Variants in NDST4 observed in about 807,000 individuals in gnomAD.
The protein encoded by NDST4 is N-deacetylase and N-sulfotransferase 4.
NDST4 carries 63 observed loss-of-function variants against 100.8 expected under a neutral mutation model. That is an observed-to-expected ratio of 0.62 (90% CI 0.51 to 0.77). The LOEUF (loss-of-function observed/expected upper bound fraction) is 0.77, where lower values mean the gene tolerates loss of function less well. Ranked by LOEUF, NDST4 falls within the 30% of genes least tolerant of loss-of-function variation. The pLI, the probability that NDST4 is intolerant of heterozygous loss-of-function variation, is 0.00. For synonymous variants in NDST4, 377 were observed against 361.8 expected (o/e 1.04, Z -0.48); for missense variants, 943 against 1,018.4 (o/e 0.93, Z 1.01).
chr4:115,032,889 T>C (rs1052295974), intron 2 of NDST4, among the ~76,000 whole-genome samples: 6 of 151,938 alleles, frequency 3.9e-5, no homozygotes, highest in Non-Finnish European at 7.4e-5. Flanking sequence ...CATAACTTGT[T>C]CCTCTATAAA....
At chr4:115,094,862 C>T (rs902411756) in intron 1 of NDST4, among the ~76,000 whole-genome samples, 52 of 103,222 alleles carry the variant, frequency 5.0e-4, no homozygotes, top group African/African-American at 2.2e-3. Context: ...GAGCATGGCC[C>T]TGTTGTCACT....
At chr4:114,984,725 A>G (rs1320612635) in intron 2 of NDST4, among the ~76,000 whole-genome samples, 1 of 152,040 alleles carries the variant, frequency 6.6e-6, no homozygotes, top group Non-Finnish European at 1.5e-5. Flanking sequence ...CTGCCTTAAA[A>G]CTCAGTCTAA....
intron 5 of NDST4, among the ~76,000 whole-genome samples, chr4:114,936,299 C>T (rs1299336821): frequency 6.6e-6 from 1 of 152,144 alleles, no homozygotes; most frequent in Non-Finnish European, 1.5e-5. Flanking sequence ...TCTCTTAAAT[C>T]TGAGGCTTCT....
chr4:114,934,944 G>A (rs372552103), intron 6 of NDST4: 3 of 181,426 alleles, frequency 1.7e-5, no homozygotes, highest in East Asian at 2.7e-4. Context: ...GGAAAACATT[G>A]CTACTTCTTT....
intron 2 of NDST4, among the ~76,000 whole-genome samples, chr4:115,002,104 T>C (rs1560853199): frequency 6.6e-6 from 1 of 152,208 alleles, no homozygotes; most frequent in African/African-American, 2.4e-5. Flanking sequence ...TTGAACTAAT[T>C]TACACTGCCA....
chr4:115,029,135 C>A (rs1410444573), intron 2 of NDST4, among the ~76,000 whole-genome samples: 12 of 151,988 alleles, frequency 7.9e-5, no homozygotes, highest in Non-Finnish European at 1.5e-5. Flanking sequence ...ACTTTCAAAT[C>A]AAGGGTAGAT....
At chr4:114,985,645 A>G (rs919329520) in intron 2 of NDST4, among the ~76,000 whole-genome samples, 4 of 152,220 alleles carry the variant, frequency 2.6e-5, no homozygotes, top group Non-Finnish European at 5.9e-5. Flanking sequence ...TTTTGATGGA[A>G]CCTACATTCT....
intron 1 of NDST4, among the ~76,000 whole-genome samples, chr4:115,087,831 TG>T (rs1182783624): frequency 6.6e-6 from 1 of 151,904 alleles, no homozygotes; most frequent in African/African-American, 2.4e-5. Context: ...GAAACTCAAC[TG>T]CTTTTTTTCT....
intron 7 of NDST4, among the ~76,000 whole-genome samples, chr4:114,857,885 G>A (rs183410006): frequency 1.3e-5 from 2 of 152,142 alleles, no homozygotes; most frequent in East Asian, 3.9e-4. Context: ...CTATGATAGT[G>A]TCCAAAGTGT....
intron 2 of NDST4, among the ~76,000 whole-genome samples, chr4:115,038,313 T>C (rs938352038): frequency 3.9e-5 from 6 of 152,186 alleles, no homozygotes; most frequent in African/African-American, 1.4e-4. Flanking sequence ...AGATTTGTTC[T>C]TAACTTTAGT....
At chr4:114,842,718 A>T in intron 10 of NDST4, 1 of 194,670 alleles carries the variant, frequency 5.1e-6, no homozygotes, top group South Asian at 7.8e-5. Context: ...GGAGAATGGC[A>T]TGAACCTGGG....
At chr4:114,871,522 A>C (rs986879097) in intron 6 of NDST4, among the ~76,000 whole-genome samples, 5 of 152,054 alleles carry the variant, frequency 3.3e-5, no homozygotes, top group African/African-American at 1.2e-4. Flanking sequence ...ATGGCATTTC[A>C]GTGTTGTTCT....
At chr4:114,934,774 G>A (rs1725592029) in intron 6 of NDST4, among the ~76,000 whole-genome samples, 1 of 144,092 alleles carries the variant, frequency 6.9e-6, no homozygotes, top group African/African-American at 2.5e-5. Context: ...AAAATAATAA[G>A]AATGAGAGAT....
chr4:114,891,795 T>G (rs1481175923), intron 6 of NDST4, among the ~76,000 whole-genome samples: 1 of 152,112 alleles, frequency 6.6e-6, no homozygotes, highest in East Asian at 1.9e-4. Context: ...TCAAAACTAT[T>G]TGAGGCCCTT....
intron 6 of NDST4, among the ~76,000 whole-genome samples, chr4:114,922,372 C>T (rs536657633): frequency 4.1e-4 from 63 of 152,152 alleles, no homozygotes; most frequent in Non-Finnish European, 7.9e-4. Context: ...TGCATGCTCA[C>T]CTTCCAAATG....
intron 6 of NDST4, among the ~76,000 whole-genome samples, chr4:114,903,628 G>GTGA (rs1724891818): frequency 1.3e-5 from 2 of 152,034 alleles, no homozygotes; most frequent in Admixed American, 6.6e-5. Context: ...ACTTCTCCTA[G>GTGA]AGCTCTAACA....
intron 4 of NDST4, among the ~76,000 whole-genome samples, chr4:114,969,146 T>C (rs1161372199): frequency 6.6e-6 from 1 of 151,878 alleles, no homozygotes. Context: ...ACCCCGTCTC[T>C]ACTAAAAATA....
chr4:114,946,031 T>C (rs1725855442), intron 4 of NDST4, among the ~76,000 whole-genome samples: 1 of 152,170 alleles, frequency 6.6e-6, no homozygotes, highest in South Asian at 2.1e-4. Flanking sequence ...CGATCCTAAG[T>C]AGAGCTATTT....
intron 1 of NDST4, among the ~76,000 whole-genome samples, chr4:115,085,147 G>A (rs1170973768): frequency 1.3e-5 from 2 of 152,184 alleles, no homozygotes; most frequent in African/African-American, 4.8e-5. Context: ...GGAACTTTAA[G>A]CTTAATGACT....
Sources: gnomAD v4.1 joint callset for allele counts (sites outside exome capture counted in the v4.1 genomes callset) on GRCh38, gnomAD v4.1.1 for gene constraint, MANE v1.5 for transcripts, NCBI Gene and HGNC (gene_info 2026-07-23, HGNC 2026-07-21) for gene names.